CLDN18: variants seen among roughly 807,000 people sequenced by gnomAD.
The protein encoded by CLDN18 is claudin 18.
Under a neutral mutation model 25.0 loss-of-function variants are expected in CLDN18, and 20 were observed. The observed-to-expected ratio is 0.80, with a 90% CI of 0.56 to 1.16. The LOEUF (loss-of-function observed/expected upper bound fraction) is 1.16, where lower values mean the gene tolerates loss of function less well. Among genes scored for constraint, CLDN18 ranks in the 50% most tolerant of loss-of-function variants. The pLI, the probability that CLDN18 is intolerant of heterozygous loss-of-function variation, is 0.00. For missense variants in CLDN18, 297 were observed against 345.4 expected (o/e 0.86, Z 1.11); for synonymous variants, 125 against 135.6 (o/e 0.92, Z 0.54).
intron 1 of CLDN18, among the ~76,000 whole-genome samples, chr3:138,015,204 A>C (rs1942189354): frequency 6.6e-6 from 1 of 152,220 alleles, no homozygotes; most frequent in African/African-American, 2.4e-5. Flanking sequence ...ACCAGGAGGA[A>C]AAGGCTTGAA....
intron 1 of CLDN18, among the ~76,000 whole-genome samples, chr3:138,020,669 C>T (rs943265475): frequency 6.6e-6 from 1 of 152,180 alleles, no homozygotes; most frequent in Non-Finnish European, 1.5e-5. Flanking sequence ...CCCAGGACTG[C>T]TGGAGGAGAT....
At chr3:138,012,268 T>C (rs1942143739) in intron 1 of CLDN18, among the ~76,000 whole-genome samples, 1 of 152,240 alleles carries the variant, frequency 6.6e-6, no homozygotes, top group Non-Finnish European at 1.5e-5. Flanking sequence ...CTCTATAGAA[T>C]GTTTGCTTTT....
intron 1 of CLDN18, among the ~76,000 whole-genome samples, chr3:138,012,050 T>C (rs572880147): frequency 2.0e-5 from 3 of 152,320 alleles, no homozygotes; most frequent in Admixed American, 2.0e-4. Flanking sequence ...TCTGGGATCA[T>C]GCCCTGTTGG....
At chr3:138,019,679 G>C (rs892411794) in intron 1 of CLDN18, among the ~76,000 whole-genome samples, 2 of 152,082 alleles carry the variant, frequency 1.3e-5, no homozygotes, top group African/African-American at 2.4e-5. Flanking sequence ...AAAATCTCTG[G>C]GGATGAGAAC....
chr3:138,011,577 C>T lies in CLDN18; in HGVS notation c.220+1132C>T, dbSNP rs549543605. Among the ~76,000 whole-genome samples, 12 of 152,212 alleles carry T rather than the reference C, an allele frequency of 7.9e-5. No homozygotes were observed. The South Asian group carries it at 2.5e-3, about 32-fold the overall frequency. On this transcript the variant is annotated intron_variant, in intron 1 of 4. Transcript: ENST00000183605. ...CCTGGCCAAAAGAAAGAGAACCAGA[C>T]TGAGGAGGGATTATGCTGTAGTGGG...
intron 1 of CLDN18, among the ~76,000 whole-genome samples, chr3:138,018,537 C>T (rs1462187647): frequency 1.3e-5 from 2 of 151,864 alleles, no homozygotes; most frequent in Non-Finnish European, 2.9e-5. Context: ...GGGGTTTCAC[C>T]GTTTTAGCCG....
chr3:138,005,374 C>G (rs533117684), upstream of CLDN18, among the ~76,000 whole-genome samples: 19 of 152,170 alleles, frequency 1.2e-4, no homozygotes, highest in African/African-American at 4.3e-4. Flanking sequence ...TCTCCTAATG[C>G]TATCCCTCCC....
In CLDN18 at chr3:138,010,427, A is replaced by C. The variant is rs1174601183; in HGVS notation, c.202A>C (p.Thr68Pro). Residue 68 changes from threonine to proline, a missense_variant, in exon 1 of 5, where the codon ACC (threonine) becomes CCC (proline). Physicochemically the swap from Thr to Pro is conservative, Grantham distance 38. Coordinates refer to ENST00000183605, the MANE Select transcript of CLDN18 (RefSeq NM_016369.4). The stretch of plus-strand genomic sequence containing the variant: ...CTTCACCGAATGCAGGCCCTATTTC[A>C]CCATCCTGGGACTTCCAGGTAGGCA... The part of the protein sequence containing the change: ...SGFTECRPYF[T>P]ILGLPAMLQA... 1 of 1,614,076 alleles carries C rather than the reference A, an allele frequency of 6.2e-7. No individual in the cohort carries two copies. Among genetic ancestry groups the C allele is most frequent in the East Asian group, 2.2e-5 (1 of 44,858 alleles).
At chr3:138,004,501 G>A (rs1459218361) in intron 1 of CLDN18, 1 of 152,044 alleles carries the variant, frequency 6.6e-6, no homozygotes, top group Non-Finnish European at 1.5e-5. Flanking sequence ...GGCTAACGCT[G>A]CCAGATATTC....
At chr3:138,008,401 C>T (rs1334990097), upstream of CLDN18, among the ~76,000 whole-genome samples, 4 of 151,982 alleles carry the variant, frequency 2.6e-5, no homozygotes, top group South Asian at 2.1e-4. Flanking sequence ...GTCAGGAGTT[C>T]GAGGCCAGCC....
chr3:138,023,931 T>A, intron 2 of CLDN18, 109 bp downstream of exon 2: 1 of 1,126,774 alleles, frequency 8.9e-7, no homozygotes, highest in Non-Finnish European at 1.3e-6. Context: ...GAACTTTTCA[T>A]ACTGAGATTC....
At chr3:138,007,835 G>A (rs1942086056), upstream of CLDN18, among the ~76,000 whole-genome samples, 1 of 152,332 alleles carries the variant, frequency 6.6e-6, no homozygotes, top group East Asian at 1.9e-4. Context: ...ATGCCCACCA[G>A]CAGAAACCAG....
intron 1 of CLDN18, among the ~76,000 whole-genome samples, chr3:138,011,928 C>T (rs1429608566): frequency 2.0e-5 from 3 of 152,134 alleles, no homozygotes; most frequent in Admixed American, 6.5e-5. Context: ...AGAATAGCTC[C>T]ACCTCTCCCC....
chr3:138,005,659 T>C (rs1942061223), upstream of CLDN18, among the ~76,000 whole-genome samples: 1 of 152,200 alleles, frequency 6.6e-6, no homozygotes, highest in Non-Finnish European at 1.5e-5. Context: ...ACTTACCAAA[T>C]TCACAATGTA....
chr3:137,999,170 A>G, intron 1 of CLDN18: 1 of 1,264,868 alleles, frequency 7.9e-7, no homozygotes. Context: ...GCACCACGAC[A>G]GGGACTGCTG....
chr3:138,028,787 T>C (rs890043915), intron 3 of CLDN18, among the ~76,000 whole-genome samples: 2 of 152,168 alleles, frequency 1.3e-5, no homozygotes, highest in African/African-American at 2.4e-5. Context: ...TTGAGTCCCA[T>C]TGGAGGCAGC....
At chr3:138,018,458 T>C (rs187235035) in intron 1 of CLDN18, among the ~76,000 whole-genome samples, 1,677 of 148,532 alleles carry the variant, frequency 0.011, 25 homozygotes, top group African/African-American at 0.039. Context: ...TGCCTCAGCC[T>C]CCCAAGTAGC....
intron 1 of CLDN18, among the ~76,000 whole-genome samples, chr3:138,001,041 T>A (rs1942010451): frequency 6.6e-6 from 1 of 152,258 alleles, no homozygotes; most frequent in Admixed American, 6.5e-5. Flanking sequence ...GCAACTGCCT[T>A]ACAATATTTT....
chr3:138,003,365 C>A (rs764752838), intron 1 of CLDN18, among the ~76,000 whole-genome samples: 3 of 152,116 alleles, frequency 2.0e-5, no homozygotes, highest in African/African-American at 4.8e-5. Flanking sequence ...GACAGCTGCA[C>A]TGAGTTAATA....
Sources: allele counts gnomAD v4.1 joint callset (sites outside exome capture counted in the v4.1 genomes callset), GRCh38; gene constraint gnomAD v4.1.1; transcripts MANE v1.5; gene names NCBI Gene and HGNC (gene_info 2026-07-23, HGNC 2026-07-21).